The following SGCG variants were observed in gnomAD, a reference collection of about 807,000 sequenced individuals.
The protein encoded by SGCG is sarcoglycan gamma.
SGCG carries 26 observed loss-of-function variants against 29.3 expected under a neutral mutation model. That is an observed-to-expected ratio of 0.89 (90% CI 0.65 to 1.23). SGCG has a LOEUF of 1.23. Ranked by LOEUF, SGCG falls within the 50% of genes most tolerant of loss-of-function variation. SGCG has a pLI of 0.00. For synonymous variants in SGCG, 145 were observed against 129.7 expected, an observed-to-expected ratio of 1.12 and a Z score of -0.80; for missense variants, 353 against 356.0, an observed-to-expected ratio of 0.99 and a Z score of 0.07.
intron 3 of SGCG, chr13:23,247,298 G>A (rs1385305548): frequency 1.3e-5 from 2 of 152,226 alleles, no homozygotes; most frequent in South Asian, 2.1e-4. Context: ...TGAAGAATTC[G>A]TTGGCATGGA....
chr13:23,281,107 G>A (rs940021790), intron 5 of SGCG, among the ~76,000 whole-genome samples: 1 of 152,162 alleles, frequency 6.6e-6, no homozygotes, highest in Non-Finnish European at 1.5e-5. Context: ...GGCTGAGGTG[G>A]ATGGATCGCT....
chr13:23,214,225 C>T (rs967353337), intron 2 of SGCG, among the ~76,000 whole-genome samples: 4 of 152,152 alleles, frequency 2.6e-5, no homozygotes, highest in African/African-American at 9.7e-5. Flanking sequence ...TTTTCCTACA[C>T]ATTGTTAAAT....
chr13:23,174,497 G>GA, the SGCG span, among the ~76,000 whole-genome samples: 3 of 151,588 alleles, frequency 2.0e-5, no homozygotes, highest in Admixed American at 6.6e-5. Context: ...ACATTTCAAG[G>GA]AAAAAAAATG....
chr13:23,187,688 C>T lies in SGCG; in HGVS notation c.-1+6613C>T, dbSNP rs1877046845. The stretch of plus-strand genomic sequence containing the variant: ...CCCTCGCACATGTTCCCTCTGCCTG[C>T]CTCATCCCTGGTGCCCCACTTCTGA... On this transcript the variant is annotated intron_variant, in intron 1 of 7. Coordinates refer to ENST00000218867, the MANE Select transcript of SGCG (RefSeq NM_000231.3). 2.6e-5 allele frequency among the ~76,000 whole-genome samples: 4 copies of T among 152,306 alleles called. No homozygotes were observed. In the South Asian group the frequency reaches 6.2e-4, roughly 24 times the overall value.
chr13:23,247,565 T>C (rs557528830), intron 3 of SGCG, among the ~76,000 whole-genome samples: 1 of 152,294 alleles, frequency 6.6e-6, no homozygotes, highest in South Asian at 2.1e-4. Context: ...GTCACCCTTC[T>C]ACTTGTCTTT....
At chr13:23,191,852 AG>A (rs1877268904) in intron 1 of SGCG, among the ~76,000 whole-genome samples, 2 of 152,300 alleles carry the variant, frequency 1.3e-5, no homozygotes, top group South Asian at 4.1e-4. Context: ...CATATATGCT[AG>A]GAAACAGAGT....
chr13:23,295,851 C>CA (rs1235655495), intron 6 of SGCG, among the ~76,000 whole-genome samples: 1 of 152,244 alleles, frequency 6.6e-6, no homozygotes, highest in East Asian at 1.9e-4. Context: ...TGGGCACCCA[C>CA]AGCCCTTCAT....
At chr13:23,289,161 C>T (rs964656558) in intron 5 of SGCG, among the ~76,000 whole-genome samples, 1 of 152,194 alleles carries the variant, frequency 6.6e-6, no homozygotes, top group Non-Finnish European at 1.5e-5. Flanking sequence ...ATCCTTCAAA[C>T]ACATACCCAA....
At chr13:23,295,201 T>C (rs1465523826) in intron 5 of SGCG, among the ~76,000 whole-genome samples, 2 of 152,226 alleles carry the variant, frequency 1.3e-5, no homozygotes, top group Admixed American at 6.5e-5. Context: ...TTGAAAAACA[T>C]ATTTTGTTTA....
At chr13:23,258,501 A>T (rs552567533) in intron 4 of SGCG, among the ~76,000 whole-genome samples, 9 of 152,174 alleles carry the variant, frequency 5.9e-5, no homozygotes, top group Admixed American at 4.6e-4. Flanking sequence ...AAATAGGGAC[A>T]ATTTGACCTC....
intron 1 of SGCG, among the ~76,000 whole-genome samples, chr13:23,184,375 T>C (rs1006030529): frequency 2.0e-5 from 3 of 150,942 alleles, no homozygotes; most frequent in African/African-American, 4.9e-5. Context: ...ATTGAAGGTT[T>C]TTTTTTTTTC....
intron 2 of SGCG, among the ~76,000 whole-genome samples, chr13:23,231,918 G>A (rs1264546153): frequency 3.9e-5 from 6 of 152,028 alleles, no homozygotes; most frequent in African/African-American, 1.4e-4. Flanking sequence ...CAGGAGTTCA[G>A]GACCAGCCTG....
At chr13:23,285,043 C>T (rs555620321) in intron 5 of SGCG, among the ~76,000 whole-genome samples, 13 of 152,310 alleles carry the variant, frequency 8.5e-5, no homozygotes, top group East Asian at 1.9e-4. Flanking sequence ...AGGTGTCTGT[C>T]GACCCCTGCT....
chr13:23,256,761 C>A (rs144183906), intron 4 of SGCG, among the ~76,000 whole-genome samples: 5,240 of 152,304 alleles, frequency 0.034, 107 homozygotes, highest in African/African-American at 0.036. Context: ...GCCACATTTT[C>A]TTAATCCAGT....
intron 3 of SGCG, among the ~76,000 whole-genome samples, chr13:23,238,441 C>A (rs1226069413): frequency 6.6e-6 from 1 of 152,182 alleles, no homozygotes; most frequent in Non-Finnish European, 1.5e-5. Context: ...GCAGAAGGAA[C>A]AATGCCTGGA....
chr13:23,212,720 C>G (rs573343831), intron 2 of SGCG, among the ~76,000 whole-genome samples: 82 of 152,210 alleles, frequency 5.4e-4, no homozygotes, highest in Non-Finnish European at 1.0e-3. Flanking sequence ...CTTGGGAAGG[C>G]TCTTAGAAAT....
chr13:23,221,752 A>G (rs185324027), intron 2 of SGCG, among the ~76,000 whole-genome samples: 231 of 152,296 alleles, frequency 1.5e-3, no homozygotes, highest in Non-Finnish European at 2.3e-3. Context: ...AGATGATTTG[A>G]GGATGCTGTA....
the SGCG span, among the ~76,000 whole-genome samples, chr13:23,166,711 G>A: frequency 1.4e-4 from 21 of 152,234 alleles, no homozygotes; most frequent in Middle Eastern, 3.4e-3. Flanking sequence ...ACTTTTCATG[G>A]TTGGTTCAAT....
Position 23,230,641 on chromosome 13 carries a change from C to T in SGCG, c.196-3970C>T, listed in dbSNP as rs192724435. Among the ~76,000 whole-genome samples, 1,076 of 152,150 alleles carry T rather than the reference C, an allele frequency of 7.1e-3. 8 individuals carry two copies. Among genetic ancestry groups the T allele is most frequent in the Middle Eastern group, 6.8e-3 (2 of 294 alleles). ...ATTTTTGTACATTGATTTTGTATCC[C>T]AAAACTTAGTTGAAATTGCTTATCA... On this transcript the variant is annotated intron_variant, in intron 2 of 7. Coordinates refer to ENST00000218867, the MANE Select transcript of SGCG (RefSeq NM_000231.3).
Sources: gnomAD v4.1 joint callset for allele counts (sites outside exome capture counted in the v4.1 genomes callset) on GRCh38, gnomAD v4.1.1 for gene constraint, MANE v1.5 for transcripts, NCBI Gene and HGNC (gene_info 2026-07-23, HGNC 2026-07-21) for gene names.